The following LAMA1 variants were observed in gnomAD, a reference collection of about 807,000 sequenced individuals.
LAMA1 encodes the protein laminin subunit alpha 1, also known as laminin subunit alpha-1.
A neutral mutation model predicts 348.7 loss-of-function variants in LAMA1; 219 were observed. The ratio of observed to expected loss-of-function variants is 0.63; its 90% CI spans 0.56 to 0.70. The LOEUF is 0.70. Among genes scored for constraint, LAMA1 ranks in the 30% least tolerant of loss-of-function variants. LAMA1 has a pLI of 0.00. For synonymous variants in LAMA1, 1,487 were observed against 1,491.0 expected (o/e 1.00, Z 0.06); for missense variants, 3,744 against 3,888.0 (o/e 0.96, Z 0.99).
chr18:7,097,952 C>T (rs2058269323), intron 1 of LAMA1, among the ~76,000 whole-genome samples: 1 of 150,974 alleles, frequency 6.6e-6, no homozygotes, highest in Non-Finnish European at 1.5e-5. Context: ...CTCACTGCAA[C>T]CTCCCTGCCT....
chr18:7,059,921 T>C (rs1047664412), intron 3 of LAMA1, among the ~76,000 whole-genome samples: 1 of 152,242 alleles, frequency 6.6e-6, no homozygotes, highest in African/African-American at 2.4e-5. Context: ...CTCTGTGAGA[T>C]TTATGTCTCA....
chr18:7,083,831 G>A (rs1380127723), intron 1 of LAMA1, among the ~76,000 whole-genome samples: 2 of 152,052 alleles, frequency 1.3e-5, no homozygotes, highest in African/African-American at 2.4e-5. Flanking sequence ...AGCACTTCGG[G>A]AGGCCGAGGC....
chr18:7,045,030 G>A (rs1478483060), intron 6 of LAMA1, among the ~76,000 whole-genome samples, 191 bp from the exon 7 acceptor site: 1 of 152,088 alleles, frequency 6.6e-6, no homozygotes, highest in Non-Finnish European at 1.5e-5. Flanking sequence ...GTTACAAACA[G>A]AAATGAAGAG....
chr18:7,053,161 T>G (rs1181409903), intron 3 of LAMA1, among the ~76,000 whole-genome samples: 2 of 152,176 alleles, frequency 1.3e-5, no homozygotes, highest in Non-Finnish European at 2.9e-5. Context: ...AAAAGATCAG[T>G]GGCTGCCAGC....
rs140461312 is a variant in LAMA1, at chr18:6,971,899, T to C, written c.6857A>G (p.Asn2286Ser). The C allele has an allele frequency of 6.8e-6, 11 of 1,614,130 alleles. No homozygotes were observed. The African/African-American group carries it at 1.5e-4, about 22-fold the overall frequency. Residue 2286 changes from asparagine (N) to serine (S), a missense_variant, in exon 48 of 63, where the codon AAC (asparagine) becomes AGC (serine). Physicochemically the swap from Asn to Ser is conservative, Grantham distance 46 (BLOSUM62 1). This residue lies in a region of LAMA1 where 1,983 missense variants were observed against 1,934.3 expected (regional missense o/e 1.03). Coordinates refer to ENST00000389658, the MANE Select transcript of LAMA1 (RefSeq NM_005559.4). ...FLNGKSIGLW[N>S]YIEREGKCRG... ...GCACTTGCCTTCCCTTTCAATATAG[T>C]TCCATAGGCCTATGGATTTTCCATT...
At chr18:7,027,611 C>T (rs1915693937) in intron 16 of LAMA1, among the ~76,000 whole-genome samples, 1 of 151,916 alleles carries the variant, frequency 6.6e-6, no homozygotes, top group East Asian at 1.9e-4. Context: ...GAAACATGTC[C>T]ACAAATCATA....
At chr18:7,087,885 T>TA (rs1302730268) in intron 1 of LAMA1, among the ~76,000 whole-genome samples, 2 of 152,144 alleles carry the variant, frequency 1.3e-5, no homozygotes, top group African/African-American at 4.8e-5. Flanking sequence ...ATCATGTAGG[T>TA]AAAGGGTTTC....
intron 1 of LAMA1, among the ~76,000 whole-genome samples, chr18:7,088,509 T>C (rs2058226670): frequency 6.6e-6 from 1 of 151,844 alleles, no homozygotes; most frequent in African/African-American, 2.4e-5. Context: ...AAAAAATTAT[T>C]TATTATTATT....
At chr18:7,065,564 T>C (rs980717761) in intron 3 of LAMA1, among the ~76,000 whole-genome samples, 4 of 151,664 alleles carry the variant, frequency 2.6e-5, no homozygotes, top group African/African-American at 9.7e-5. Flanking sequence ...TCATCTCTAC[T>C]AAAAATTCAA....
At chr18:6,946,002 C>T (rs1045197679) in intron 61 of LAMA1, among the ~76,000 whole-genome samples, 4 of 151,750 alleles carry the variant, frequency 2.6e-5, no homozygotes, top group South Asian at 2.1e-4. Context: ...GTGAAGGAGG[C>T]GGTTTTCAAG....
chr18:6,955,998 T>C (rs115037570), intron 56 of LAMA1: 11,130 of 308,388 alleles, frequency 0.036, 1,164 homozygotes, highest in African/African-American at 0.22. Context: ...CTGCGGGCTG[T>C]CCTAAGAGTG....
rs1351479879 is a variant in LAMA1 at position 6,975,918 on chromosome 18, C to T, written c.6489+19G>A. 6.2e-7 allele frequency: 1 copy of T among 1,613,778 alleles called. No homozygotes were observed. The highest frequency in any genetic ancestry group is 1.7e-5 in the Admixed American group (1 of 60,006). ...TGCATAAAAGATTCAGTGTCGCTTT[C>T]CAAAGGTCCATAACTTACAGCGGTG... is the stretch of plus-strand genomic sequence containing the variant. On this transcript the variant is annotated intron_variant, in intron 45 of 62. Transcript: ENST00000389658.
At chr18:7,076,244 G>T (rs549685263) in intron 3 of LAMA1, among the ~76,000 whole-genome samples, 1 of 152,248 alleles carries the variant, frequency 6.6e-6, no homozygotes, top group East Asian at 1.9e-4. Context: ...GAAACAATGG[G>T]GATATGGGAC....
At chr18:7,001,658 A>C (rs2057808331) in intron 30 of LAMA1, among the ~76,000 whole-genome samples, 1 of 152,226 alleles carries the variant, frequency 6.6e-6, no homozygotes, top group Non-Finnish European at 1.5e-5. Context: ...ATACCTTGCC[A>C]AATATTCTAA....
At chr18:7,032,795 T>C (rs1264257207) in intron 15 of LAMA1, among the ~76,000 whole-genome samples, 189 bp downstream of exon 15, 1 of 152,202 alleles carries the variant, frequency 6.6e-6, no homozygotes, top group Non-Finnish European at 1.5e-5. Context: ...CTCCAGCCCA[T>C]TCCTGGTGGA....
chr18:6,961,836 T>A (rs2144008434), intron 52 of LAMA1, 77 bp from the exon 53 acceptor site: 3 of 1,573,120 alleles, frequency 1.9e-6, no homozygotes, highest in Middle Eastern at 1.7e-4. Flanking sequence ...ACACTGCTGA[T>A]TTCCCCATCA....
chr18:7,088,380 G>A (rs908962198), intron 1 of LAMA1, among the ~76,000 whole-genome samples: 15 of 152,122 alleles, frequency 9.9e-5, no homozygotes, highest in Middle Eastern at 3.2e-3. Flanking sequence ...AGCCGAGAAG[G>A]GAAAGCACCT....
intron 3 of LAMA1, among the ~76,000 whole-genome samples, chr18:7,062,360 G>A (rs1291371328): frequency 6.6e-6 from 1 of 152,216 alleles, no homozygotes; most frequent in Non-Finnish European, 1.5e-5. Context: ...GAAAGACACT[G>A]AGGGGAACTC....
rs1191215740 is a variant in LAMA1 at position 7,117,648 on chromosome 18, G to T, written c.61+12C>A. Reference sequence around the variant, plus strand: ...CGGGGGACAGGGACCCTAGGACCCGGGCCGGGCTCACCTCTCTGCCGGCAC... The same window carrying T: ...CGGGGGACAGGGACCCTAGGACCCGTGCCGGGCTCACCTCTCTGCCGGCAC... On this transcript the variant is annotated intron_variant, in intron 1 of 62. Transcript: ENST00000389658. 1.3e-6 allele frequency: 2 copies of T among 1,596,462 alleles called. No individual in the cohort carries two copies. The highest frequency in any genetic ancestry group is 1.7e-6 in the Non-Finnish European group (2 of 1,178,130).
Sources: gnomAD v4.1 joint callset for allele counts (sites outside exome capture counted in the v4.1 genomes callset) on GRCh38, gnomAD v4.1.1 for gene constraint, gnomAD v4.1.1 regional missense constraint, MANE v1.5 for transcripts, NCBI Gene and HGNC (gene_info 2026-07-23, HGNC 2026-07-21) for gene names.